Variants in ARHGEF28 observed in about 807,000 individuals in gnomAD.
ARHGEF28 encodes Rho guanine nucleotide exchange factor 28, also known as 190 kDa guanine nucleotide exchange factor.
ARHGEF28 carries 152 observed loss-of-function variants against 206.6 expected under a neutral mutation model. The observed-to-expected ratio is 0.74, with a 90% CI of 0.64 to 0.84. The LOEUF is 0.84. Among genes scored for constraint, ARHGEF28 ranks in the 40% least tolerant of loss-of-function variants. ARHGEF28 has a pLI of 0.00. For missense variants in ARHGEF28, 2,028 were observed against 2,073.2 expected (o/e 0.98, Z 0.42); for synonymous variants, 763 against 776.4 (o/e 0.98, Z 0.29).
At chr5:73,681,330 C>G (rs574843187) in intron 1 of ARHGEF28, among the ~76,000 whole-genome samples, 1 of 152,174 alleles carries the variant, frequency 6.6e-6, no homozygotes, top group South Asian at 2.1e-4. Flanking sequence ...TAAATGCCTT[C>G]TTGATAATTT....
chr5:73,906,878 G>A (rs2112719686), intron 33 of ARHGEF28, among the ~76,000 whole-genome samples: 1 of 151,910 alleles, frequency 6.6e-6, no homozygotes, highest in South Asian at 2.1e-4. Flanking sequence ...TAAACTCATT[G>A]AACTTTATTT....
chr5:73,879,514 T>G (rs1760768243), intron 22 of ARHGEF28, among the ~76,000 whole-genome samples: 1 of 152,150 alleles, frequency 6.6e-6, no homozygotes, highest in African/African-American at 2.4e-5. Context: ...CTTTTTAGAG[T>G]TTCCAGTTTT....
chr5:73,870,267 T>G, intron 21 of ARHGEF28, 58 bp downstream of exon 21: 1 of 1,546,742 alleles, frequency 6.5e-7, no homozygotes, highest in Middle Eastern at 1.7e-4. Flanking sequence ...GAAAAGAACA[T>G]GGAATTTGCA....
intron 7 of ARHGEF28, among the ~76,000 whole-genome samples, chr5:73,788,700 G>A (rs751630939): frequency 4.6e-5 from 7 of 152,178 alleles, no homozygotes; most frequent in South Asian, 4.1e-4. Context: ...GTTTGTCTGC[G>A]TGTTTTATCA....
chr5:73,867,735 C>G, intron 18 of ARHGEF28, 141 bp from the exon 19 acceptor site: 1 of 1,121,636 alleles, frequency 8.9e-7, no homozygotes, highest in Admixed American at 2.4e-5. Context: ...CAGGATCTAG[C>G]AGGGAGACTG....
At chr5:73,749,431 C>A (rs1459147361) in intron 2 of ARHGEF28, among the ~76,000 whole-genome samples, 1 of 152,174 alleles carries the variant, frequency 6.6e-6, no homozygotes, top group East Asian at 1.9e-4. Flanking sequence ...ACCAGGGAGG[C>A]TGAAGTGGGA....
intron 7 of ARHGEF28, among the ~76,000 whole-genome samples, chr5:73,787,281 T>C (rs906343487): frequency 6.6e-6 from 1 of 152,248 alleles, no homozygotes; most frequent in Non-Finnish European, 1.5e-5. Flanking sequence ...GTGAAATATC[T>C]GGTCAAGCAC....
rs192352256 is a variant in ARHGEF28, at chr5:73,871,717, T to A, written c.2567-1282T>A. On this transcript the variant is annotated intron_variant, in intron 21 of 35. Coordinates refer to ENST00000513042, the MANE Select transcript of ARHGEF28 (RefSeq NM_001177693.2). ...TCAGGTCCTGTCTAATTTCAGAACA[T>A]CTTCATCACTTCAAAAATCCTGTAC... Among the ~76,000 whole-genome samples, 439 of 152,346 alleles carry A rather than the reference T, an allele frequency of 2.9e-3. 1 individual carries two copies. The highest frequency in any genetic ancestry group is 0.01 in the African/African-American group (418 of 41,584).
chr5:73,885,712 C>T (rs991384001), intron 24 of ARHGEF28, 138 bp from the exon 25 acceptor site: 22 of 1,004,776 alleles, frequency 2.2e-5, no homozygotes, highest in Non-Finnish European at 3.0e-5. Context: ...AAGTTTAATC[C>T]AACATTTTTC....
At position 73,909,641 on chromosome 5, in the gene ARHGEF28, C is replaced by A; in HGVS notation, c.4391C>A (p.Ala1464Glu). ...WLRRCEQQQR[A>E]QATRESWLQE... is the part of the protein sequence containing the mutation. ...CGCAGGTGTGAGCAGCAGCAGCGGG[C>A]GCAGGCGACCAGGGAGAGCTGGCTG... The change falls in exon 34 of 36, where the codon GCG becomes GAG. Residue 1464 changes from alanine to glutamate, a missense_variant. Ala to Glu is a moderately radical substitution (Grantham distance 107). Around this residue, in one of 3 missense-constraint regions of ARHGEF28, gnomAD observed 803 missense variants for 768.0 expected, o/e 1.05. Transcript: ENST00000513042. The A allele has an allele frequency of 1.3e-6, 2 of 1,548,448 alleles. No individual in the cohort carries two copies. The highest frequency in any genetic ancestry group is 1.7e-6 in the Non-Finnish European group (2 of 1,146,222).
In ARHGEF28 at chr5:73,850,650, G is replaced by A. The variant is rs560899839; in HGVS notation, c.1747+1563G>A. 2.0e-5 allele frequency among the ~76,000 whole-genome samples: 3 copies of A among 152,236 alleles called. No individual in the cohort carries two copies. The South Asian group carries it at 6.2e-4, about 32-fold the overall frequency. The stretch of plus-strand genomic sequence containing the variant: ...ATCTATGAAGTCAGATATCTCTAGA[G>A]TTTGAAATTATTGACCACACAATTA... On this transcript the variant is annotated intron_variant, in intron 13 of 35. Transcript: ENST00000513042.
chr5:73,869,295 T>C (rs966974794), intron 20 of ARHGEF28, among the ~76,000 whole-genome samples: 1 of 152,012 alleles, frequency 6.6e-6, no homozygotes, highest in African/African-American at 2.4e-5. Flanking sequence ...CTGCACTCAT[T>C]TGTGACTCAA....
intron 1 of ARHGEF28, among the ~76,000 whole-genome samples, chr5:73,682,120 A>AT (rs1164933960): frequency 1.3e-5 from 2 of 152,214 alleles, no homozygotes; most frequent in African/African-American, 4.8e-5. Context: ...ATAATCTATA[A>AT]ACCCATTTAA....
chr5:73,893,252 G>C lies in ARHGEF28; in HGVS notation c.3622G>C (p.Ala1208Pro). The C allele has an allele frequency of 6.4e-7, 1 of 1,559,550 alleles. No individual in the cohort carries two copies. The highest frequency in any genetic ancestry group is 8.7e-7 in the Non-Finnish European group (1 of 1,151,914). The change falls in exon 28 of 36, where the codon GCT becomes CCT. Residue 1208 changes from alanine (A) to proline (P), a missense_variant. Transcript: ENST00000513042. ...TSESDEDKRKAEARVAKIQQC... is the reference protein window; with the variant it reads ...TSESDEDKRKPEARVAKIQQC... ...TGAATCTGATGAAGACAAGAGGAAA[G>C]CTGAAGCCAGAGTGGCCAAAATTCA... is the stretch of plus-strand genomic sequence containing the variant.
intron 2 of ARHGEF28, among the ~76,000 whole-genome samples, chr5:73,703,560 A>G (rs1466754644): frequency 6.6e-6 from 1 of 152,096 alleles, no homozygotes; most frequent in African/African-American, 2.4e-5. Context: ...CCAGGAGGGA[A>G]GGTTATAGAC....
chr5:73,781,037 TCTC>T lies in ARHGEF28; in HGVS notation c.910+296_910+298del, dbSNP rs147135445. On this transcript the variant is annotated intron_variant, in intron 7 of 35. Transcript: ENST00000513042. ...GATGCTCTCTTGACATTCTGATTGTTCTCCTCATTCAGCTTGTTCATTCATTGA... is the reference window on the plus strand; with the variant it reads ...GATGCTCTCTTGACATTCTGATTGTTCTCATTCAGCTTGTTCATTCATTGA... Among the ~76,000 whole-genome samples, 9,132 of 152,284 alleles carry T rather than the reference TCTC, an allele frequency of 0.06. 550 individuals are homozygous for T. The highest frequency in any genetic ancestry group is 0.17 in the East Asian group (899 of 5,170).
chr5:73,746,416 A>T (rs1751720252), intron 2 of ARHGEF28, among the ~76,000 whole-genome samples: 1 of 152,100 alleles, frequency 6.6e-6, no homozygotes, highest in African/African-American at 2.4e-5. Context: ...AGTATGTATT[A>T]ATGTATTATG....
intron 7 of ARHGEF28, among the ~76,000 whole-genome samples, chr5:73,783,368 G>GTGTGTGTGTGTA (rs1753961300): frequency 7.9e-6 from 1 of 127,108 alleles, no homozygotes; most frequent in Admixed American, 8.0e-5. Flanking sequence ...GTGTGTGTGT[G>GTGTGTGTGTGTA]TGTGTGTGTG....
intron 2 of ARHGEF28, among the ~76,000 whole-genome samples, chr5:73,746,828 CT>C (rs2112389541): frequency 6.6e-6 from 1 of 152,248 alleles, no homozygotes; most frequent in East Asian, 1.9e-4. Flanking sequence ...TACCATTACT[CT>C]GTTTAAATGA....
Sources: allele counts gnomAD v4.1 joint callset (sites outside exome capture counted in the v4.1 genomes callset), GRCh38; gene constraint gnomAD v4.1.1; regional missense constraint gnomAD v4.1.1; transcripts MANE v1.5; gene names NCBI Gene and HGNC (gene_info 2026-07-23, HGNC 2026-07-21).